The following CELF2 variants were observed in gnomAD, a reference collection of about 807,000 sequenced individuals.
The protein encoded by CELF2 is CUGBP Elav-like family member 2.
CELF2 carries 8 observed loss-of-function variants against 62.6 expected under a neutral mutation model. That is an observed-to-expected ratio of 0.13 (90% confidence interval 0.07 to 0.23). The LOEUF is 0.23. Among genes scored for constraint, CELF2 ranks in the 10% least tolerant of loss-of-function variants. The pLI, the probability that CELF2 is intolerant of heterozygous loss-of-function variation, is 1.00. For synonymous variants in CELF2, 258 were observed against 250.0 expected (o/e 1.03, Z -0.30); for missense variants, 333 against 671.0 (o/e 0.50, Z 5.56).
chr10:10,737,957 C>T, the CELF2 span, among the ~76,000 whole-genome samples: 1 of 152,170 alleles, frequency 6.6e-6, no homozygotes, highest in Non-Finnish European at 1.5e-5. Context: ...GGGTCTCTGC[C>T]TACCGCTGCA....
rs1401378076 is a variant in CELF2, at chr10:11,334,182, A to C, written c.*5129A>C. The C allele has an allele frequency of 6.6e-6, 1 of 152,668 alleles. No homozygotes were observed. Among genetic ancestry groups the C allele is most frequent in the Non-Finnish European group, 1.5e-5 (1 of 68,038 alleles). The allele number at this position is 152,668 out of a possible 1,614,324, so 9.5% of individuals were successfully genotyped here. On this transcript the variant is annotated 3_prime_UTR_variant, in exon 13 of 13. Coordinates refer to ENST00000633077, the MANE Select transcript of CELF2 (RefSeq NM_001326342.2). Reference sequence around the variant, plus strand: ...GTCACTTTAAGTGGATAAATGTATTAGTTAAAACTTTAGGGTTTGCTTTTT... The same window carrying C: ...GTCACTTTAAGTGGATAAATGTATTCGTTAAAACTTTAGGGTTTGCTTTTT...
upstream of CELF2, among the ~76,000 whole-genome samples, chr10:11,002,147 A>G (rs2054579502): frequency 6.6e-6 from 1 of 152,236 alleles, no homozygotes; most frequent in African/African-American, 2.4e-5. The surrounding 1 kb of genome is among the most constrained non-coding windows in gnomAD (Gnocchi z 4.4). Flanking sequence ...GGCGGAAGGC[A>G]AAAGTCACGT....
rs1329688361 is a variant in CELF2, at chr10:11,223,392, G to A, written c.354+5885G>A. Among the ~76,000 whole-genome samples the A allele has an allele frequency of 2.6e-5, 4 of 152,224 alleles. No homozygotes were observed. The highest frequency in any genetic ancestry group is 9.6e-5 in the African/African-American group (4 of 41,452). Reference sequence around the variant, plus strand: ...ACGTATTCCACACATGTATTCTGCTGCGGAATGTGTCAGTCAGGACATCCA... The same window carrying A: ...ACGTATTCCACACATGTATTCTGCTACGGAATGTGTCAGTCAGGACATCCA... On this transcript the variant is annotated intron_variant, in intron 3 of 12. Transcript: ENST00000633077. The surrounding 1 kb of genome is among the most constrained non-coding windows in gnomAD (Gnocchi z 5.1).
chr10:10,893,771 T>C (rs1163532318), intron 1 of CELF2, among the ~76,000 whole-genome samples: 8 of 152,112 alleles, frequency 5.3e-5, no homozygotes, highest in Non-Finnish European at 1.0e-4. Context: ...TGCTGTACAC[T>C]TTTAAACAAT....
At chr10:10,968,140 G>T (rs2050342439) in intron 2 of CELF2, among the ~76,000 whole-genome samples, 3 of 152,094 alleles carry the variant, frequency 2.0e-5, no homozygotes, top group Admixed American at 2.0e-4. Context: ...AACGCACAGG[G>T]TTGGCCACCA....
chr10:10,820,493 G>A (rs191291726), intron 1 of CELF2, among the ~76,000 whole-genome samples: 14 of 152,288 alleles, frequency 9.2e-5, no homozygotes, highest in Non-Finnish European at 1.9e-4. Flanking sequence ...GCCAGGAGGA[G>A]AATTCATTGG....
chr10:10,462,952 G>A, the CELF2 span, among the ~76,000 whole-genome samples: 2 of 152,142 alleles, frequency 1.3e-5, no homozygotes, highest in South Asian at 2.1e-4. Context: ...TCCTTCCAGG[G>A]ATGTTACGGG....
the CELF2 span, among the ~76,000 whole-genome samples, chr10:10,487,446 A>G: frequency 1.3e-5 from 2 of 152,206 alleles, no homozygotes; most frequent in African/African-American, 4.8e-5. Flanking sequence ...AGCTTTGTAC[A>G]TTAAATCCCA....
At chr10:11,109,062 A>G (rs1009432244) in intron 1 of CELF2, among the ~76,000 whole-genome samples, 2 of 152,198 alleles carry the variant, frequency 1.3e-5, no homozygotes, top group African/African-American at 4.8e-5. Context: ...ATCCCAAGCT[A>G]TCAAGGATAT....
rs974245974 is a variant in CELF2, at chr10:11,267,678, TTTTG to T, written c.618+1013_618+1016del. The stretch of plus-strand genomic sequence containing the variant: ...CCCCCATTTTGTTGGGGTTTTATTT[TTTTG>T]TTTGTTTGTTTTTGTTTGTTTTTTG... On this transcript the variant is annotated intron_variant, in intron 6 of 12. Transcript: ENST00000633077. This position sits in a 1 kb window ranked among gnomAD's most constrained non-coding sequence, Gnocchi z 4.4. 7.2e-5 allele frequency among the ~76,000 whole-genome samples: 11 copies of T among 152,358 alleles called. No homozygotes were observed. Among genetic ancestry groups the T allele is most frequent in the East Asian group, 5.8e-4 (3 of 5,184 alleles).
the CELF2 span, among the ~76,000 whole-genome samples, chr10:10,579,505 A>C: frequency 1.3e-5 from 2 of 152,034 alleles, no homozygotes; most frequent in Non-Finnish European, 2.9e-5. Flanking sequence ...TTTGTTATTG[A>C]CCTTAGACCC....
the CELF2 span, among the ~76,000 whole-genome samples, chr10:10,747,072 A>G: frequency 6.6e-6 from 1 of 152,248 alleles, no homozygotes; most frequent in Admixed American, 6.5e-5. Context: ...ACAGTCATCA[A>G]GATTTTTTCA....
At chr10:10,935,459 C>T (rs2066523472) in intron 2 of CELF2, 1 of 152,112 alleles carries the variant, frequency 6.6e-6, no homozygotes, top group Non-Finnish European at 1.5e-5. Context: ...TTGAGAGAAA[C>T]TTAGGCATAA....
chr10:10,517,862 T>C, the CELF2 span, among the ~76,000 whole-genome samples: 20 of 152,372 alleles, frequency 1.3e-4, no homozygotes, highest in Non-Finnish European at 2.4e-4. Context: ...TGAGGAATTA[T>C]GTGGTTAATG....
At chr10:10,707,513 T>G in the CELF2 span, among the ~76,000 whole-genome samples, 1 of 152,154 alleles carries the variant, frequency 6.6e-6, no homozygotes, top group Non-Finnish European at 1.5e-5. Context: ...ATGGCAAAAC[T>G]AGAAAAATTG....
intron 1 of CELF2, among the ~76,000 whole-genome samples, chr10:10,814,652 C>G (rs147514710): frequency 2.0e-5 from 3 of 152,192 alleles, no homozygotes; most frequent in African/African-American, 4.8e-5. Context: ...TGAGCTGGCC[C>G]TGGGCCAAAT....
the CELF2 span, among the ~76,000 whole-genome samples, chr10:10,692,081 C>T: frequency 1.3e-5 from 2 of 150,458 alleles, no homozygotes; most frequent in African/African-American, 2.4e-5. Flanking sequence ...GAAGTCCTTG[C>T]CCATGCTTAT....
intron 1 of CELF2, among the ~76,000 whole-genome samples, chr10:11,134,117 A>G (rs572828030): frequency 1.4e-4 from 21 of 152,356 alleles, no homozygotes; most frequent in African/African-American, 5.0e-4. Flanking sequence ...TAAAGAGAAG[A>G]GGATCGCCGT....
intron 2 of CELF2, among the ~76,000 whole-genome samples, chr10:10,943,584 T>G (rs2047290748): frequency 1.3e-5 from 2 of 152,032 alleles, no homozygotes; most frequent in South Asian, 4.2e-4. Context: ...CTACCAAACA[T>G]TGCTCTTTTC....
Sources: gnomAD v4.1 joint callset for allele counts (sites outside exome capture counted in the v4.1 genomes callset) on GRCh38, gnomAD v4.1.1 for gene constraint, Gnocchi (gnomAD v3.1) non-coding constraint, MANE v1.5 for transcripts, NCBI Gene and HGNC (gene_info 2026-07-23, HGNC 2026-07-21) for gene names.